FCHSD2: variants seen among roughly 807,000 people sequenced by gnomAD.
FCHSD2 encodes F-BAR and double SH3 domains protein 2.
A neutral mutation model predicts 108.1 loss-of-function variants in FCHSD2; 38 were observed. That is an observed-to-expected ratio of 0.35 (90% CI 0.27 to 0.46). The LOEUF (loss-of-function observed/expected upper bound fraction) is 0.46. Ranked by LOEUF, FCHSD2 falls within the 20% of genes least tolerant of loss-of-function variation. The pLI is 1.00. For missense variants in FCHSD2, 751 were observed against 897.8 expected (o/e 0.84, Z 2.09); for synonymous variants, 279 against 314.7 (o/e 0.89, Z 1.20).
intron 14 of FCHSD2, 115 bp downstream of exon 14, chr11:72,849,640 A>G: frequency 1.2e-6 from 1 of 820,634 alleles, no homozygotes; most frequent in African/African-American, 1.7e-5. Flanking sequence ...TTGCCCCAAT[A>G]TTAACCTAAT....
In FCHSD2 at chr11:72,890,726, A is replaced by G. The variant is rs543017989; in HGVS notation, c.925-781T>C. The stretch of plus-strand genomic sequence containing the variant: ...TGGGTCCCACATCATTTTATAGAAA[A>G]GAAAACAGAGGCTCAGAGAGGTTAA... On this transcript the variant is annotated intron_variant, in intron 10 of 19. Coordinates refer to ENST00000409418, the MANE Select transcript of FCHSD2 (RefSeq NM_014824.3). Among the ~76,000 whole-genome samples the G allele has an allele frequency of 2.0e-5, 3 of 152,066 alleles. No homozygotes were observed. The East Asian group carries it at 5.8e-4, about 29-fold the overall frequency.
intron 2 of FCHSD2, among the ~76,000 whole-genome samples, chr11:73,085,757 G>T (rs376337070): frequency 5.3e-5 from 8 of 152,030 alleles, no homozygotes; most frequent in African/African-American, 1.9e-4. Flanking sequence ...AATCTGATTA[G>T]CAGAGTTACC....
intron 12 of FCHSD2, among the ~76,000 whole-genome samples, chr11:72,879,660 A>G (rs1855039645): frequency 1.3e-5 from 2 of 152,248 alleles, no homozygotes; most frequent in Admixed American, 1.3e-4. Flanking sequence ...TATACACTAT[A>G]GAGGAAATAT....
chr11:72,908,396 C>CT (rs1855679617), intron 9 of FCHSD2, among the ~76,000 whole-genome samples: 1 of 152,136 alleles, frequency 6.6e-6, no homozygotes, highest in Non-Finnish European at 1.5e-5. Flanking sequence ...GGGTGTATAC[C>CT]TAGCAGTGAG....
chr11:72,930,327 T>C (rs887574682), intron 8 of FCHSD2, among the ~76,000 whole-genome samples: 1 of 152,216 alleles, frequency 6.6e-6, no homozygotes, highest in Non-Finnish European at 1.5e-5. Flanking sequence ...CTCAAAACTT[T>C]ACTAGTGCCA....
At chr11:73,058,286 A>G (rs1312052772) in intron 3 of FCHSD2, among the ~76,000 whole-genome samples, 1 of 152,234 alleles carries the variant, frequency 6.6e-6, no homozygotes, top group Non-Finnish European at 1.5e-5. Context: ...ATTACAGCAC[A>G]GAGAGCTATG....
chr11:73,083,236 G>A (rs1859737607), intron 3 of FCHSD2, among the ~76,000 whole-genome samples: 1 of 152,088 alleles, frequency 6.6e-6, no homozygotes, highest in African/African-American at 2.4e-5. Flanking sequence ...AGCAAAGTGG[G>A]GGATCAAAAT....
At chr11:72,864,404 G>A (rs1016579433) in intron 13 of FCHSD2, among the ~76,000 whole-genome samples, 1 of 152,086 alleles carries the variant, frequency 6.6e-6, no homozygotes, top group Non-Finnish European at 1.5e-5. Context: ...AATTAGCTGG[G>A]CATGGGGGCA....
intron 12 of FCHSD2, among the ~76,000 whole-genome samples, chr11:72,882,398 G>A (rs535863561): frequency 6.6e-6 from 1 of 152,256 alleles, no homozygotes; most frequent in Admixed American, 6.5e-5. Flanking sequence ...GTTATCAGAA[G>A]CTGGGAAGGA....
chr11:73,092,290 G>A (rs2135523614), intron 2 of FCHSD2, among the ~76,000 whole-genome samples: 1 of 151,962 alleles, frequency 6.6e-6, no homozygotes, highest in South Asian at 2.1e-4. Context: ...ACCACACCCG[G>A]CTAATTTTTT....
chr11:73,118,984 T>A (rs187097697), intron 2 of FCHSD2, among the ~76,000 whole-genome samples: 19 of 152,298 alleles, frequency 1.2e-4, no homozygotes, highest in Non-Finnish European at 1.9e-4. Context: ...AAATAAATAA[T>A]TAATTTTTGT....
chr11:72,860,753 G>A (rs998427937), intron 13 of FCHSD2, among the ~76,000 whole-genome samples: 3 of 152,012 alleles, frequency 2.0e-5, no homozygotes, highest in African/African-American at 7.3e-5. Flanking sequence ...GGGAGGAGGA[G>A]GTTGCCGTCA....
At chr11:73,121,851 G>C (rs1474300884) in intron 2 of FCHSD2, among the ~76,000 whole-genome samples, 1 of 152,100 alleles carries the variant, frequency 6.6e-6, no homozygotes, top group Non-Finnish European at 1.5e-5. Context: ...AGGAGATTAG[G>C]GATAAGCCTA....
chr11:73,030,399 T>C (rs557650650), intron 3 of FCHSD2, among the ~76,000 whole-genome samples: 50 of 152,260 alleles, frequency 3.3e-4, no homozygotes, highest in African/African-American at 1.2e-3. Flanking sequence ...CAACTGAATA[T>C]ACAAAACTCA....
At chr11:72,936,188 T>A (rs1240884216) in intron 8 of FCHSD2, among the ~76,000 whole-genome samples, 1 of 152,196 alleles carries the variant, frequency 6.6e-6, no homozygotes, top group South Asian at 2.1e-4. Context: ...GTTATTAAAA[T>A]AATAGGGCTT....
chr11:72,949,451 CAAAGAAAGAAAGAAAAGA>C (rs1856581880), intron 8 of FCHSD2, among the ~76,000 whole-genome samples: 2 of 149,488 alleles, frequency 1.3e-5, no homozygotes, highest in African/African-American at 4.9e-5. Context: ...AACTCCATCT[CAAAGAAAGAAAGAAAAGA>C]AAAGAAAGGA....
At chr11:72,998,806 C>T (rs55888199) in intron 5 of FCHSD2, among the ~76,000 whole-genome samples, 7,495 of 152,206 alleles carry the variant, frequency 0.049, 504 homozygotes, top group African/African-American at 0.15. Context: ...GGCTATTATT[C>T]TTTAAAAGGA....
At chr11:72,865,547 A>G (rs1471183212) in intron 13 of FCHSD2, among the ~76,000 whole-genome samples, 1 of 152,174 alleles carries the variant, frequency 6.6e-6, no homozygotes, top group Non-Finnish European at 1.5e-5. Flanking sequence ...AATGCTTACT[A>G]CTACTGTACT....
At chr11:72,961,455 T>G (rs1439908748) in intron 8 of FCHSD2, among the ~76,000 whole-genome samples, 1 of 152,050 alleles carries the variant, frequency 6.6e-6, no homozygotes, top group Non-Finnish European at 1.5e-5. Flanking sequence ...GGGGTCTCAC[T>G]ATGTTGCCCA....
Sources: gnomAD v4.1 joint callset for allele counts (sites outside exome capture counted in the v4.1 genomes callset) on GRCh38, gnomAD v4.1.1 for gene constraint, MANE v1.5 for transcripts, NCBI Gene and HGNC (gene_info 2026-07-23, HGNC 2026-07-21) for gene names.